Variants in FERRY3 observed in about 807,000 individuals in gnomAD.
The protein encoded by FERRY3 is FERRY endosomal RAB5 effector complex subunit 3, also known as protein C12orf4.
the FERRY3 span, among the ~76,000 whole-genome samples, chr12:4,532,832 AC>A: frequency 2.6e-5 from 4 of 152,110 alleles, no homozygotes; most frequent in Non-Finnish European, 5.9e-5. Flanking sequence ...AACTCCCTTG[AC>A]TGATGTACCT....
At chr12:4,536,412 AAG>A in the FERRY3 span, among the ~76,000 whole-genome samples, 1 of 152,080 alleles carries the variant, frequency 6.6e-6, no homozygotes, top group East Asian at 1.9e-4. Context: ...AAAAAAAAAA[AAG>A]ACACTTTGTT....
At chr12:4,517,990 C>T in the FERRY3 span, 1 of 1,436,304 alleles carries the variant, frequency 7.0e-7, no homozygotes, top group Non-Finnish European at 9.6e-7. Flanking sequence ...CCCTGTAATT[C>T]CTTTCTTTGT....
the FERRY3 span, chr12:4,518,382 T>G: frequency 6.8e-6 from 5 of 736,444 alleles, no homozygotes; most frequent in Middle Eastern, 3.2e-4. Flanking sequence ...AAATGGGCCT[T>G]GCAACTTCCC....
chr12:4,503,458 A>G, the FERRY3 span, among the ~76,000 whole-genome samples: 2 of 152,194 alleles, frequency 1.3e-5, no homozygotes, highest in African/African-American at 4.8e-5. Flanking sequence ...GATCATTATT[A>G]AGTAAACTAT....
chr12:4,500,044 AAAATGT>A, the FERRY3 span: 1 of 1,259,742 alleles, frequency 7.9e-7, no homozygotes, highest in Non-Finnish European at 1.1e-6. Context: ...TTAGTTTAAA[AAAATGT>A]AAAGTGGATT....
chr12:4,498,180 T>C, the FERRY3 span, among the ~76,000 whole-genome samples: 1 of 152,152 alleles, frequency 6.6e-6, no homozygotes, highest in African/African-American at 2.4e-5. Context: ...TGGAAGAAAA[T>C]CTGAACTTAG....
At chr12:4,511,217 C>G in the FERRY3 span, among the ~76,000 whole-genome samples, 1 of 151,834 alleles carries the variant, frequency 6.6e-6, no homozygotes, top group Non-Finnish European at 1.5e-5. Flanking sequence ...GCACTCAATA[C>G]AGGAGCACCC....
chr12:4,510,801 G>T, the FERRY3 span, among the ~76,000 whole-genome samples: 1 of 148,014 alleles, frequency 6.8e-6, no homozygotes, highest in South Asian at 2.1e-4. Flanking sequence ...ATGCCAAAAT[G>T]TAAAGACCAT....
At chr12:4,517,684 A>AAAATATATATATATATATAT in the FERRY3 span, among the ~76,000 whole-genome samples, 1 of 140,562 alleles carries the variant, frequency 7.1e-6, no homozygotes, top group African/African-American at 2.6e-5. Context: ...AGGTTATTAA[A>AAAATATATATATATATATAT]ATATATATAT....
the FERRY3 span, chr12:4,491,326 T>A: frequency 8.6e-7 from 1 of 1,163,702 alleles, no homozygotes; most frequent in Admixed American, 1.8e-5. Context: ...TGACTATCCA[T>A]GTTGTGAACA....
chr12:4,525,932 C>T, the FERRY3 span, among the ~76,000 whole-genome samples: 1 of 152,204 alleles, frequency 6.6e-6, no homozygotes, highest in East Asian at 1.9e-4. Flanking sequence ...AAAGAAGAGG[C>T]TCTGCAATTT....
At chr12:4,524,678 A>G in the FERRY3 span, among the ~76,000 whole-genome samples, 2 of 152,192 alleles carry the variant, frequency 1.3e-5, no homozygotes, top group Admixed American at 1.3e-4. Flanking sequence ...TCTCAAACAT[A>G]ACAGATACAT....
At chr12:4,525,386 C>G in the FERRY3 span, 1 of 1,611,900 alleles carries the variant, frequency 6.2e-7, no homozygotes, top group Non-Finnish European at 8.5e-7. Context: ...CTAAAAGAAA[C>G]AGTATACCAA....
chr12:4,491,687 T>C, the FERRY3 span, among the ~76,000 whole-genome samples: 1 of 151,716 alleles, frequency 6.6e-6, no homozygotes, highest in African/African-American at 2.4e-5. Context: ...TTCATTTTTC[T>C]ATGTTACTTT....
chr12:4,501,703 A>G, the FERRY3 span, among the ~76,000 whole-genome samples: 1 of 152,168 alleles, frequency 6.6e-6, no homozygotes, highest in African/African-American at 2.4e-5. Context: ...CAGGGCTCCC[A>G]CTGATTCTAT....
At chr12:4,514,320 T>G in the FERRY3 span, among the ~76,000 whole-genome samples, 1 of 151,014 alleles carries the variant, frequency 6.6e-6, no homozygotes, top group South Asian at 2.1e-4. Flanking sequence ...GTTCAACCAC[T>G]GTGGAAGTCA....
chr12:4,520,304 G>C, the FERRY3 span, among the ~76,000 whole-genome samples: 1 of 152,172 alleles, frequency 6.6e-6, no homozygotes, highest in Admixed American at 6.5e-5. Flanking sequence ...TGAGAATCAA[G>C]ATACACGAGG....
At chr12:4,536,013 T>C in the FERRY3 span, 1 of 1,533,816 alleles carries the variant, frequency 6.5e-7, no homozygotes, top group Non-Finnish European at 8.7e-7. Context: ...AAAACAGTCC[T>C]CACCTTTTTC....
chr12:4,494,031 T>G, the FERRY3 span, among the ~76,000 whole-genome samples: 1 of 152,124 alleles, frequency 6.6e-6, no homozygotes, highest in African/African-American at 2.4e-5. Context: ...AGACGGAGGT[T>G]GCAGTGAGCT....
Sources: allele counts gnomAD v4.1 joint callset (sites outside exome capture counted in the v4.1 genomes callset), GRCh38; gene constraint gnomAD v4.1.1; transcripts MANE v1.5; gene names NCBI Gene and HGNC (gene_info 2026-07-23, HGNC 2026-07-21).